RASAL2: variants seen among roughly 807,000 people sequenced by gnomAD.
RASAL2 encodes the protein ras GTPase-activating protein nGAP.
In RASAL2, 58 loss-of-function variants were observed where a neutral mutation model predicts 128.9. That is an observed-to-expected ratio of 0.45 (90% confidence interval 0.36 to 0.56). The LOEUF is 0.56. Among genes scored for constraint, RASAL2 ranks in the 20% least tolerant of loss-of-function variants. The pLI is 0.00. For missense variants in RASAL2, 1,360 were observed against 1,601.6 expected, an observed-to-expected ratio of 0.85 and a Z score of 2.57; for synonymous variants, 561 against 580.8, an observed-to-expected ratio of 0.97 and a Z score of 0.49.
In RASAL2 at chr1:178,118,325, C is replaced by G. The variant is rs139016780; in HGVS notation, c.202+23631C>G. Among the ~76,000 whole-genome samples the G allele has an allele frequency of 2.6e-3, 401 of 152,146 alleles. 13 individuals are homozygous for G. In the East Asian group the frequency reaches 0.069, roughly 26 times the overall value. ...TCAAGCTCATTACATTTATTGTATACTTTATTTCTATTATTATTACATTGT... is the reference window on the plus strand; with the variant it reads ...TCAAGCTCATTACATTTATTGTATAGTTTATTTCTATTATTATTACATTGT... On this transcript the variant is annotated intron_variant, in intron 1 of 17. Transcript: ENST00000367649.
chr1:178,188,716 T>G (rs920761825), intron 1 of RASAL2, among the ~76,000 whole-genome samples: 1 of 152,188 alleles, frequency 6.6e-6, no homozygotes, highest in African/African-American at 2.4e-5. Context: ...TAAGCTTACA[T>G]TCTGTGATCC....
intron 1 of RASAL2, among the ~76,000 whole-genome samples, chr1:178,221,638 C>CTATTTTAA (rs1426643008): frequency 1.3e-5 from 2 of 152,050 alleles, no homozygotes; most frequent in Non-Finnish European, 2.9e-5. Flanking sequence ...GGTATGATTT[C>CTATTTTAA]TATTTTAAAT....
Position 178,457,668 on chromosome 1 carries a change from T to A in RASAL2, c.2391-15T>A. 6.2e-7 allele frequency: 1 copy of A among 1,605,974 alleles called. No homozygotes were observed. Among genetic ancestry groups the A allele is most frequent in the Non-Finnish European group, 8.5e-7 (1 of 1,175,382 alleles). ...TTGTCTCAAGAGAAATTAAGTGTCC[T>A]TTCCTTTTCCACAGTGATTTGCATA... On this transcript the variant is annotated splice_polypyrimidine_tract_variant and intron_variant, in intron 13 of 17. Transcript: ENST00000367649.
chr1:178,411,964 C>T, intron 4 of RASAL2: 2 of 595,000 alleles, frequency 3.4e-6, no homozygotes, highest in South Asian at 3.8e-5. Context: ...ACCCCCCATC[C>T]CCTCTTGACG....
At chr1:178,402,493 T>C (rs1297119966) in intron 4 of RASAL2, among the ~76,000 whole-genome samples, 1 of 152,152 alleles carries the variant, frequency 6.6e-6, no homozygotes, top group East Asian at 1.9e-4. Flanking sequence ...AAAAACTGTT[T>C]GCAGTATTAC....
chr1:178,428,623 T>C (rs1348228340), intron 5 of RASAL2, among the ~76,000 whole-genome samples: 1 of 152,022 alleles, frequency 6.6e-6, no homozygotes, highest in Non-Finnish European at 1.5e-5. Flanking sequence ...AAGGTCTTGC[T>C]CTGTTGCTCA....
intron 5 of RASAL2, among the ~76,000 whole-genome samples, chr1:178,436,855 G>C (rs1431477498): frequency 6.6e-6 from 1 of 152,088 alleles, no homozygotes; most frequent in African/African-American, 2.4e-5. Context: ...TGGGATTACA[G>C]GTGTGAGCCA....
intron 1 of RASAL2, among the ~76,000 whole-genome samples, chr1:178,138,894 A>G (rs867982341): frequency 6.6e-6 from 1 of 152,132 alleles, no homozygotes; most frequent in African/African-American, 2.4e-5. Context: ...GCTATTTTTA[A>G]TATTAGAAAT....
chr1:178,408,302 T>C (rs905785071), intron 4 of RASAL2, among the ~76,000 whole-genome samples: 2 of 152,210 alleles, frequency 1.3e-5, no homozygotes, highest in African/African-American at 2.4e-5. Flanking sequence ...TGTTTCCATT[T>C]AGACTGGAAC....
chr1:178,295,018 C>A (rs1445309191), intron 2 of RASAL2, among the ~76,000 whole-genome samples: 1 of 152,124 alleles, frequency 6.6e-6, no homozygotes, highest in African/African-American at 2.4e-5. Flanking sequence ...TAAAACCTGA[C>A]TACTCCAGGA....
intron 17 of RASAL2, among the ~76,000 whole-genome samples, chr1:178,468,499 C>T (rs903270807): frequency 1.4e-4 from 21 of 152,222 alleles, no homozygotes; most frequent in African/African-American, 5.1e-4. Context: ...TATTTTTCAA[C>T]AAAATTGAGA....
intron 3 of RASAL2, among the ~76,000 whole-genome samples, chr1:178,340,684 T>TA (rs969231767): frequency 6.6e-6 from 1 of 152,132 alleles, no homozygotes. Context: ...GTCAATAAGT[T>TA]AAAAAAATTT....
intron 5 of RASAL2, among the ~76,000 whole-genome samples, chr1:178,422,396 T>C (rs560429782): frequency 6.6e-6 from 1 of 152,124 alleles, no homozygotes; most frequent in Non-Finnish European, 1.5e-5. Flanking sequence ...CTTTCTTAAG[T>C]ACAGCACAAT....
chr1:178,230,355 T>G (rs1663952873), intron 1 of RASAL2, among the ~76,000 whole-genome samples: 1 of 152,234 alleles, frequency 6.6e-6, no homozygotes, highest in African/African-American at 2.4e-5. Flanking sequence ...TGCTTAACTT[T>G]TTTTAAAAAA....
At chr1:178,195,615 A>G (rs1463680225) in intron 1 of RASAL2, among the ~76,000 whole-genome samples, 1 of 152,162 alleles carries the variant, frequency 6.6e-6, no homozygotes, top group Non-Finnish European at 1.5e-5. Context: ...AGATGTAACT[A>G]TATAGTAAGT....
chr1:178,411,893 C>A, intron 4 of RASAL2: 1 of 697,028 alleles, frequency 1.4e-6, no homozygotes, highest in South Asian at 1.6e-5. Flanking sequence ...GGACCTGGGG[C>A]CAGTCGGCCT....
In RASAL2 at chr1:178,343,795, G is replaced by GA. The variant is rs756128049; in HGVS notation, c.457+43687dup. Among the ~76,000 whole-genome samples, 550 of 146,380 alleles carry GA rather than the reference G, an allele frequency of 3.8e-3. 4 individuals are homozygous for GA. Among genetic ancestry groups the GA allele is most frequent in the African/African-American group, 0.012 (478 of 40,118 alleles). Reference sequence around the variant, plus strand: ...ATGCAGGTTCATACCTTCCGTGTTAGAAAAAAAAAACAATAAAAAGGTGCC... The same window carrying GA: ...ATGCAGGTTCATACCTTCCGTGTTAGAAAAAAAAAAACAATAAAAAGGTGCC... On this transcript the variant is annotated intron_variant, in intron 3 of 17. Transcript: ENST00000367649.
At chr1:178,149,078 A>C (rs1434386907) in intron 1 of RASAL2, among the ~76,000 whole-genome samples, 1 of 152,120 alleles carries the variant, frequency 6.6e-6, no homozygotes, top group African/African-American at 2.4e-5. Context: ...TGCCATATGA[A>C]TGATCTAAAC....
chr1:178,273,095 T>G (rs1463518410), intron 1 of RASAL2, among the ~76,000 whole-genome samples: 1 of 152,254 alleles, frequency 6.6e-6, no homozygotes, highest in Non-Finnish European at 1.5e-5. Flanking sequence ...CTTATTGTCC[T>G]GTATCAGCTA....
Sources: gnomAD v4.1 joint callset for allele counts (sites outside exome capture counted in the v4.1 genomes callset) on GRCh38, gnomAD v4.1.1 for gene constraint, MANE v1.5 for transcripts, NCBI Gene and HGNC (gene_info 2026-07-23, HGNC 2026-07-21) for gene names.